The following MSH5 variants were observed in gnomAD, a reference collection of about 807,000 sequenced individuals.
The protein encoded by MSH5 is mutS homolog 5.
In MSH5, 78 loss-of-function variants were observed where a neutral mutation model predicts 107.7. That is an observed-to-expected ratio of 0.72 (90% CI 0.60 to 0.87). The LOEUF (loss-of-function observed/expected upper bound fraction) is 0.87, where lower values mean the gene tolerates loss of function less well. MSH5 is among the 40% of genes least tolerant of loss of function. MSH5 has a pLI of 0.00. For synonymous variants in MSH5, 326 were observed against 399.5 expected (o/e 0.82, Z 2.19); for missense variants, 889 against 1,046.6 (o/e 0.85, Z 2.08).
Position 31,745,271 on chromosome 6 carries a change from T to G in MSH5, c.718T>G (p.Ser240Ala). 1.2e-6 allele frequency: 2 copies of G among 1,613,706 alleles called. No homozygotes were observed. Among genetic ancestry groups the G allele is most frequent in the African/African-American group, 2.7e-5 (2 of 75,004 alleles). The change falls in exon 9 of 25, where the codon TCA becomes GCA. Residue 240 changes from serine (S) to alanine (A), a missense_variant. Physicochemically the swap from Ser to Ala is moderately conservative, Grantham distance 99 (BLOSUM62 1). Transcript: ENST00000375750. ...GATTTTTAAGAGTGAGTCTCACCCC[T>G]CAGTGTACAAAGTGGCCAGTGGACT... is the stretch of plus-strand genomic sequence containing the variant. ...LQIFKSESHP[S>A]VYKVASGLKE... is the part of the protein sequence containing the mutation.
chr6:31,753,024 G>A (rs1013712183), intron 10 of MSH5, among the ~76,000 whole-genome samples: 1 of 152,128 alleles, frequency 6.6e-6, no homozygotes, highest in African/African-American at 2.4e-5. Context: ...CTAAAATATT[G>A]ACAAGCTCCG....
In MSH5 at chr6:31,761,882, C is replaced by G; in HGVS notation, c.2246C>G (p.Ala749Gly). ...VFFYQVCEGV[A>G]KASHASHTAA... ...TTCTATCAGGTTTGCGAAGGTGTTG[C>G]GAAGGCCAGCCATGCCTCCCACACA... Residue 749 changes from alanine (A) to glycine (G), a missense_variant, in exon 23 of 25, where the codon GCG (alanine) becomes GGG (glycine). By Grantham distance (60) the Ala-to-Gly change is moderately conservative. This residue lies in a region of MSH5 where 362 missense variants were observed against 456.2 expected (regional missense o/e 0.79). Transcript: ENST00000375750. This position sits in a 1 kb window ranked among gnomAD's most constrained non-coding sequence, Gnocchi z 5.3. The G allele has an allele frequency of 6.2e-7, 1 of 1,613,076 alleles. No individual in the cohort carries two copies. The highest frequency in any genetic ancestry group is 8.5e-7 in the Non-Finnish European group (1 of 1,179,990).
intron 12 of MSH5, among the ~76,000 whole-genome samples, chr6:31,755,571 G>A (rs1226402574): frequency 1.3e-5 from 2 of 151,892 alleles, no homozygotes; most frequent in Non-Finnish European, 2.9e-5. Flanking sequence ...CCTGTTGGTC[G>A]GGCTGGTCTC....
intron 10 of MSH5, among the ~76,000 whole-genome samples, chr6:31,752,527 C>G (rs2151359868): frequency 6.6e-6 from 1 of 152,270 alleles, no homozygotes; most frequent in East Asian, 1.9e-4. Flanking sequence ...CGAGATCATT[C>G]TGGCCAACAT....
intron 11 of MSH5, 52 bp downstream of exon 11, chr6:31,753,491 A>G (rs973380935): frequency 1.2e-6 from 2 of 1,613,422 alleles, no homozygotes; most frequent in Non-Finnish European, 1.7e-6. Flanking sequence ...GAGGGCTGAT[A>G]CTGGGCAGTG....
intron 10 of MSH5, 56 bp downstream of exon 10, chr6:31,747,488 C>T: frequency 6.4e-7 from 1 of 1,561,302 alleles, no homozygotes; most frequent in Non-Finnish European, 8.8e-7. Flanking sequence ...ATGCACACTA[C>T]ATACTAAAGC....
rs1262513012 is a variant in MSH5, at chr6:31,760,160, AG to A, written c.1759del (p.Val587SerfsTer19). On this transcript the variant is annotated frameshift_variant, in exon 19 of 25. Transcript: ENST00000375750. LOFTEE classifies it high-confidence loss of function. The surrounding 1 kb of genome is among the most constrained non-coding windows in gnomAD (Gnocchi z 5.6). ...NSTECGGDKGRVKVITGPNSS... is the reference protein window; with the variant it reads ...NSTECGGDKGXVKVITGPNSS... ...CACAGAATGTGGTGGGGACAAAGGG[AG>A]GGTCAAAGTCATCACTGGACCCAAC... The A allele has an allele frequency of 6.2e-7, 1 of 1,611,850 alleles. No homozygotes were observed. The highest frequency in any genetic ancestry group is 8.5e-7 in the Non-Finnish European group (1 of 1,178,956).
chr6:31,748,795 C>T (rs1487194425), intron 10 of MSH5, among the ~76,000 whole-genome samples: 3 of 152,144 alleles, frequency 2.0e-5, no homozygotes, highest in Non-Finnish European at 4.4e-5. Flanking sequence ...TCCAGACTCA[C>T]CTTCCAAAGC....
Position 31,761,324 on chromosome 6 carries a change from G to C in MSH5, c.2037+62G>C. 6.2e-7 allele frequency: 1 copy of C among 1,606,048 alleles called. No homozygotes were observed. The highest frequency in any genetic ancestry group is 8.5e-7 in the Non-Finnish European group (1 of 1,174,424). On this transcript the variant is annotated intron_variant, in intron 21 of 24. Transcript: ENST00000375750. The surrounding 1 kb of genome is among the most constrained non-coding windows in gnomAD (Gnocchi z 5.3). ...GGGGAAAATGGAGGAGGATGAAGGA[G>C]CATGACAGTGAGGCTGGGCCTCTGG...
At chr6:31,743,551 A>G (rs1809112303) in intron 5 of MSH5, 2 of 432,698 alleles carry the variant, frequency 4.6e-6, no homozygotes, top group South Asian at 7.4e-5. Flanking sequence ...CTAGGTTTAC[A>G]ATAAGAACAG....
chr6:31,749,574 G>A (rs1809773529), intron 10 of MSH5, among the ~76,000 whole-genome samples: 1 of 151,956 alleles, frequency 6.6e-6, no homozygotes, highest in Non-Finnish European at 1.5e-5. Flanking sequence ...TCTTCAAGGT[G>A]CAATCCAACT....
Position 31,760,232 on chromosome 6 carries a change from G to A in MSH5, c.1812+16G>A, listed in dbSNP as rs180772706. ...CCTCAAACAGGTGAGGAGAAGCCCTGCAGCCTGGGCCTCTGGCGTCTCCTG... is the reference window on the plus strand; with the variant it reads ...CCTCAAACAGGTGAGGAGAAGCCCTACAGCCTGGGCCTCTGGCGTCTCCTG... On this transcript the variant is annotated intron_variant, in intron 19 of 24. Transcript: ENST00000375750. The surrounding 1 kb of genome is among the most constrained non-coding windows in gnomAD (Gnocchi z 5.6). The A allele has an allele frequency of 1.0e-5, 16 of 1,566,744 alleles. No individual in the cohort carries two copies. In the East Asian group the frequency reaches 1.8e-4, roughly 18 times the overall value.
chr6:31,760,552 CAG>C lies in MSH5; in HGVS notation c.1813-135_1813-134del, dbSNP rs28399981. The C allele has an allele frequency of 9.8e-3, 11,616 of 1,180,950 alleles. 130 individuals are homozygous for C. The highest frequency in any genetic ancestry group is 0.057 in the Middle Eastern group (201 of 3,496). The allele number at this position is 1,180,950 out of a possible 1,614,324, so 73.2% of individuals were successfully genotyped here. The stretch of plus-strand genomic sequence containing the variant: ...ATGGTCAGGATTCGGGGAGGAGAGA[CAG>C]AGTCAGTGTGTCTGTTACCTATTTC... On this transcript the variant is annotated intron_variant, in intron 19 of 24. Transcript: ENST00000375750. The surrounding 1 kb of genome is among the most constrained non-coding windows in gnomAD (Gnocchi z 5.6).
intron 10 of MSH5, among the ~76,000 whole-genome samples, chr6:31,752,169 G>A (rs1435378592): frequency 6.7e-6 from 1 of 149,532 alleles, no homozygotes; most frequent in Non-Finnish European, 1.5e-5. Context: ...TGCCGGGCGC[G>A]GTGGCTCATG....
Position 31,743,113 on chromosome 6 carries a change from C to A in MSH5, c.358C>A (p.Gln120Lys), listed in dbSNP as rs754068882. Residue 120 changes from glutamine to lysine, a missense_variant, in exon 5 of 25, where the codon CAG becomes AAG. This residue lies in a region of MSH5 where 518 missense variants were observed against 565.0 expected (regional missense o/e 0.92). Coordinates refer to ENST00000375750, the MANE Select transcript of MSH5 (RefSeq NM_172166.4). ...TTTTCTTTCCTCCCCCACAGCCTCCCAGGAGCACAGAGAGCCTAAAAGACC... is the reference window on the plus strand; with the variant it reads ...TTTTCTTTCCTCCCCCACAGCCTCCAAGGAGCACAGAGAGCCTAAAAGACC... ...MTRFLGKLAS[Q>K]EHREPKRPEI... The A allele has an allele frequency of 6.2e-7, 1 of 1,612,970 alleles. No homozygotes were observed. The highest frequency in any genetic ancestry group is 1.1e-5 in the South Asian group (1 of 91,078).
At chr6:31,741,372 CACACACACACAT>C (rs746885987) in intron 3 of MSH5, 86 bp downstream of exon 3, 26,295 of 937,688 alleles carry the variant, frequency 0.028, 485 homozygotes, top group Non-Finnish European at 0.032. Flanking sequence ...CACACACACA[CACACACACACAT>C]ATTTTTTTTT....
At chr6:31,752,229 A>G (rs886647936) in intron 10 of MSH5, among the ~76,000 whole-genome samples, 32 of 152,014 alleles carry the variant, frequency 2.1e-4, no homozygotes, top group African/African-American at 7.7e-4. Flanking sequence ...TCACAAGGTC[A>G]GGAGTTCAAG....
Position 31,759,588 on chromosome 6 carries a change from G to A in MSH5, c.1495+76G>A. On this transcript the variant is annotated intron_variant, in intron 17 of 24. Transcript: ENST00000375750. The surrounding 1 kb of genome is among the most constrained non-coding windows in gnomAD (Gnocchi z 4.7). Reference sequence around the variant, plus strand: ...GCAGCCAGGGGAAGGAGGGGAGTGGGCAACTTGGGGATGCTTCCAACAGGC... The same window carrying A: ...GCAGCCAGGGGAAGGAGGGGAGTGGACAACTTGGGGATGCTTCCAACAGGC... The A allele has an allele frequency of 1.3e-6, 2 of 1,485,748 alleles. No homozygotes were observed. Among genetic ancestry groups the A allele is most frequent in the Non-Finnish European group, 9.3e-7 (1 of 1,073,898 alleles). The allele number at this position is 1,485,748 out of a possible 1,614,324, so 92.0% of individuals were successfully genotyped here.
At position 31,744,212 on chromosome 6, in the gene MSH5, T is replaced by A. The variant is rs1809189816; in HGVS notation, c.560T>A (p.Leu187Gln). The A allele has an allele frequency of 1.9e-6, 3 of 1,613,564 alleles. No homozygotes were observed. The highest frequency in any genetic ancestry group is 2.5e-6 in the Non-Finnish European group (3 of 1,179,676). The change falls in exon 7 of 25, where the codon CTG becomes CAG. Residue 187 changes from leucine (L) to glutamine (Q), a missense_variant. This residue lies in a region of MSH5 where 518 missense variants were observed against 565.0 expected (regional missense o/e 0.92). Transcript: ENST00000375750. The stretch of plus-strand genomic sequence containing the variant: ...CAGGTTCGAGCACTTGGAGGGCTGC[T>A]GAAGTTCCTGGGTCGAAGAAGAATC... ...LLTVRALGGLLKFLGRRRIGV... is the reference protein window; with the variant it reads ...LLTVRALGGLQKFLGRRRIGV...
Sources: allele counts gnomAD v4.1 joint callset (sites outside exome capture counted in the v4.1 genomes callset), GRCh38; gene constraint gnomAD v4.1.1; regional missense constraint gnomAD v4.1.1; non-coding constraint Gnocchi (gnomAD v3.1); transcripts MANE v1.5; gene names NCBI Gene and HGNC (gene_info 2026-07-23, HGNC 2026-07-21).